Variants in XYLT1 observed in about 807,000 individuals in gnomAD.
XYLT1 encodes the protein beta-D-xylosyltransferase 1.
Under a neutral mutation model 91.3 loss-of-function variants are expected in XYLT1, and 36 were observed. That is an observed-to-expected ratio of 0.39 (90% CI 0.30 to 0.52). XYLT1 has a LOEUF of 0.52. XYLT1 is among the 20% of genes least tolerant of loss of function. The pLI is 0.68. For synonymous variants in XYLT1, 588 were observed against 532.0 expected (o/e 1.11, Z -1.45); for missense variants, 1,242 against 1,284.5 (o/e 0.97, Z 0.51).
chr16:17,387,688 C>T (rs1442547553), intron 1 of XYLT1, among the ~76,000 whole-genome samples: 1 of 152,042 alleles, frequency 6.6e-6, no homozygotes, highest in Non-Finnish European at 1.5e-5. Context: ...GCATCTCTAA[C>T]CAATAATACC....
intron 1 of XYLT1, among the ~76,000 whole-genome samples, chr16:17,403,204 A>G (rs748517334): frequency 6.6e-6 from 1 of 152,116 alleles, no homozygotes; most frequent in African/African-American, 2.4e-5. Flanking sequence ...CCTCCCTTTA[A>G]TCCTCATATC....
chr16:17,398,746 C>T (rs1567188651), intron 1 of XYLT1, among the ~76,000 whole-genome samples: 1 of 150,960 alleles, frequency 6.6e-6, no homozygotes, highest in African/African-American at 2.4e-5. Context: ...CTTGTAGATA[C>T]ATCATGCCCC....
intron 2 of XYLT1, among the ~76,000 whole-genome samples, chr16:17,334,482 T>C (rs1232168261): frequency 6.6e-6 from 1 of 151,860 alleles, no homozygotes; most frequent in Admixed American, 6.6e-5. Context: ...ATGCAAGCCT[T>C]CTCCATACCT....
At chr16:17,119,116 C>A (rs1049750010) in intron 10 of XYLT1, among the ~76,000 whole-genome samples, 3 of 152,172 alleles carry the variant, frequency 2.0e-5, no homozygotes, top group African/African-American at 7.2e-5. Context: ...AATATAAGCT[C>A]TGTGTGAACA....
At chr16:17,181,989 C>A (rs2032080956) in intron 5 of XYLT1, among the ~76,000 whole-genome samples, 1 of 152,122 alleles carries the variant, frequency 6.6e-6, no homozygotes, top group Admixed American at 6.5e-5. Flanking sequence ...GCTGCCAGAC[C>A]TGAGCCACCA....
chr16:17,445,964 C>T (rs1361436761), intron 1 of XYLT1: 1 of 152,196 alleles, frequency 6.6e-6, no homozygotes, highest in Non-Finnish European at 1.5e-5. Context: ...TCGAGGGATG[C>T]TCAAGAGTCT....
At chr16:17,130,882 G>GA in intron 9 of XYLT1, among the ~76,000 whole-genome samples, 1 of 152,226 alleles carries the variant, frequency 6.6e-6, no homozygotes, top group South Asian at 2.1e-4. Flanking sequence ...GCTTTCTCTA[G>GA]CCCCCTTTTG....
At chr16:17,208,745 G>A (rs1452498776) in intron 3 of XYLT1, among the ~76,000 whole-genome samples, 1 of 151,824 alleles carries the variant, frequency 6.6e-6, no homozygotes, top group Non-Finnish European at 1.5e-5. Context: ...TTTTTGGTTC[G>A]AGATGGAATC....
intron 2 of XYLT1, among the ~76,000 whole-genome samples, chr16:17,336,897 C>G (rs73523009): frequency 0.013 from 1,921 of 152,306 alleles, 36 homozygotes; most frequent in African/African-American, 0.044. Flanking sequence ...GTAGGGCTCC[C>G]TGGCCTGCAC....
intron 3 of XYLT1, among the ~76,000 whole-genome samples, chr16:17,219,938 GGAGAATAAACTTTTCTAA>G (rs2032936964): frequency 6.6e-6 from 1 of 152,176 alleles, no homozygotes; most frequent in East Asian, 1.9e-4. Flanking sequence ...GGCTGAGGCA[GGAGAATAAACTTTTCTAA>G]ATAAGAACCT....
chr16:17,456,851 G>T (rs2036750513), intron 1 of XYLT1, among the ~76,000 whole-genome samples: 1 of 152,156 alleles, frequency 6.6e-6, no homozygotes, highest in Admixed American at 6.5e-5. Flanking sequence ...ACTATCAGCA[G>T]CCACATCATA....
At chr16:17,121,693 G>A (rs1254323599) in intron 10 of XYLT1, among the ~76,000 whole-genome samples, 1 of 152,026 alleles carries the variant, frequency 6.6e-6, no homozygotes, top group Non-Finnish European at 1.5e-5. Flanking sequence ...CACTTGAACA[G>A]TATACACTGC....
intron 2 of XYLT1, among the ~76,000 whole-genome samples, chr16:17,321,342 C>CTTTTTTTTTTTTTTTTTTTTTTTTTT (rs10606202): frequency 1.1e-4 from 5 of 43,624 alleles, no homozygotes; most frequent in Non-Finnish European, 2.1e-4. Context: ...ACTAACTAGC[C>CTTTTTTTTTTTTTTTTTTTTTTTTTT]TTTTTTTTTT....
chr16:17,393,689 G>A lies in XYLT1; in HGVS notation c.364-35639C>T, dbSNP rs1303045586. The stretch of plus-strand genomic sequence containing the variant: ...AGTGCTTTTGGAGGCTAAGGTGGGA[G>A]GACTGTTTAAGCCCAGGAGTTCAAG... On this transcript the variant is annotated intron_variant, in intron 1 of 11. Coordinates refer to ENST00000261381, the MANE Select transcript of XYLT1 (RefSeq NM_022166.4). Among the ~76,000 whole-genome samples the A allele has an allele frequency of 3.3e-5, 5 of 152,048 alleles. 1 individual carries two copies. In the South Asian group the frequency reaches 6.2e-4, roughly 19 times the overall value.
chr16:17,124,416 T>C (rs1370103945), intron 10 of XYLT1, among the ~76,000 whole-genome samples: 2 of 152,166 alleles, frequency 1.3e-5, no homozygotes, highest in African/African-American at 4.8e-5. Context: ...CTGGTAACTG[T>C]TTTGTTTAAG....
At chr16:17,460,406 T>C (rs1444019549) in intron 1 of XYLT1, among the ~76,000 whole-genome samples, 1 of 152,258 alleles carries the variant, frequency 6.6e-6, no homozygotes, top group Non-Finnish European at 1.5e-5. Flanking sequence ...ATTTGCATAT[T>C]CTGGGTCTCC....
intron 5 of XYLT1, 135 bp downstream of exon 5, chr16:17,198,077 G>A (rs2032465520): frequency 1.2e-6 from 1 of 863,072 alleles, no homozygotes; most frequent in Non-Finnish European, 1.8e-6. Context: ...TGATTCTCAG[G>A]TCCAATCAGA....
intron 6 of XYLT1, among the ~76,000 whole-genome samples, chr16:17,142,583 A>C (rs2141521950): frequency 6.9e-6 from 1 of 145,808 alleles, no homozygotes; most frequent in East Asian, 2.0e-4. Flanking sequence ...ACAGGCACAC[A>C]CCACCTCACC....
rs150984414 is a variant in XYLT1 at position 17,346,159 on chromosome 16, G to A, written c.402+11853C>T. Among the ~76,000 whole-genome samples, 147 of 152,276 alleles carry A rather than the reference G, an allele frequency of 9.7e-4. 1 individual carries two copies. Among genetic ancestry groups the A allele is most frequent in the African/African-American group, 3.0e-3 (126 of 41,566 alleles). On this transcript the variant is annotated intron_variant, in intron 2 of 11. Transcript: ENST00000261381. ...ACTGAGGCACAAAGGGATCGCTGGC[G>A]TGTGGAAGGTCTCACAGCAGCTAAG...
Sources: allele counts gnomAD v4.1 joint callset (sites outside exome capture counted in the v4.1 genomes callset), GRCh38; gene constraint gnomAD v4.1.1; transcripts MANE v1.5; gene names NCBI Gene and HGNC (gene_info 2026-07-23, HGNC 2026-07-21).